ADGRL2: variants seen among roughly 807,000 people sequenced by gnomAD.
ADGRL2 encodes adhesion G protein-coupled receptor L2.
ADGRL2 carries 44 observed loss-of-function variants against 157.4 expected under a neutral mutation model. That is an observed-to-expected ratio of 0.28 (90% confidence interval 0.22 to 0.36). The LOEUF (loss-of-function observed/expected upper bound fraction) is 0.36, where lower values mean the gene tolerates loss of function less well. ADGRL2 is among the 10% of genes least tolerant of loss of function. ADGRL2 has a pLI of 1.00. For synonymous variants in ADGRL2, 585 were observed against 624.7 expected (o/e 0.94, Z 0.95); for missense variants, 1,510 against 1,768.9 (o/e 0.85, Z 2.63).
intron 2 of ADGRL2, among the ~76,000 whole-genome samples, chr1:81,896,800 G>A (rs1222329118): frequency 1.3e-5 from 2 of 152,134 alleles, no homozygotes; most frequent in African/African-American, 4.8e-5. Flanking sequence ...TAAGTACAAA[G>A]ACCCTTAGAA....
intron 2 of ADGRL2, chr1:81,514,822 G>A (rs1305816830): frequency 1.3e-5 from 2 of 152,158 alleles, no homozygotes; most frequent in African/African-American, 2.4e-5. Flanking sequence ...ATTTAATAAA[G>A]CTTTTGTCTT....
chr1:81,784,213 C>A (rs1433586787), intron 2 of ADGRL2, among the ~76,000 whole-genome samples: 2 of 152,114 alleles, frequency 1.3e-5, no homozygotes, highest in East Asian at 3.9e-4. Context: ...TTCAACAGAT[C>A]TTTTTCAAGG....
upstream of ADGRL2, among the ~76,000 whole-genome samples, chr1:81,696,535 A>G (rs1009803542): frequency 1.1e-4 from 16 of 151,932 alleles, no homozygotes; most frequent in Admixed American, 5.2e-4. Flanking sequence ...GGCGGATCAC[A>G]AGGTCAGGAG....
rs1329652194 is a variant in ADGRL2, at chr1:81,739,072, G to A, written c.-142-22739G>A. On this transcript the variant is annotated intron_variant, in intron 1 of 20. Coordinates refer to the ADGRL2 transcript ENST00000359929. Reference sequence around the variant, plus strand: ...TTTTGTGCTGGTAACTGTAGACAAGGCACTCTATTCAGTATGAACCAAACA... The same window carrying A: ...TTTTGTGCTGGTAACTGTAGACAAGACACTCTATTCAGTATGAACCAAACA... Among the ~76,000 whole-genome samples, 3 of 152,140 alleles carry A rather than the reference G, an allele frequency of 2.0e-5. No homozygotes were observed. In the East Asian group the frequency reaches 5.8e-4, roughly 29 times the overall value.
chr1:81,650,536 A>C (rs2082396445), intron 3 of ADGRL2, among the ~76,000 whole-genome samples: 1 of 150,506 alleles, frequency 6.6e-6, no homozygotes, highest in Non-Finnish European at 1.5e-5. Flanking sequence ...AGATCGTGCC[A>C]CTGCACTCTA....
chr1:81,723,155 A>G, intron 1 of ADGRL2: 1 of 580,078 alleles, frequency 1.7e-6, no homozygotes, highest in South Asian at 2.0e-5. Context: ...AAACCAGTGT[A>G]CCTCTGACCT....
At chr1:81,900,852 A>C (rs1362528536) in intron 2 of ADGRL2, among the ~76,000 whole-genome samples, 1 of 152,098 alleles carries the variant, frequency 6.6e-6, no homozygotes, top group Non-Finnish European at 1.5e-5. Flanking sequence ...GTCTCTGCCC[A>C]GTCATTGGCT....
chr1:81,850,038 G>A (rs947555), intron 2 of ADGRL2, among the ~76,000 whole-genome samples: 5 of 151,658 alleles, frequency 3.3e-5, no homozygotes, highest in African/African-American at 7.3e-5. Context: ...TGTTTGACTC[G>A]TCCTGCCGAA....
chr1:81,863,551 T>A (rs572941023), intron 2 of ADGRL2, among the ~76,000 whole-genome samples: 10 of 152,298 alleles, frequency 6.6e-5, no homozygotes, highest in African/African-American at 2.4e-4. Context: ...TGATTATTCT[T>A]AAGTTGCTGA....
At chr1:81,784,742 A>T (rs2086960788) in intron 2 of ADGRL2, among the ~76,000 whole-genome samples, 4 of 151,836 alleles carry the variant, frequency 2.6e-5, no homozygotes, top group Admixed American at 2.6e-4. Flanking sequence ...AAAAAAAAAA[A>T]AAAATTGCAG....
chr1:81,329,989 T>G (rs751338920), intron 1 of ADGRL2, among the ~76,000 whole-genome samples: 5 of 152,124 alleles, frequency 3.3e-5, no homozygotes, highest in Non-Finnish European at 7.4e-5. Flanking sequence ...TTAATTTGAG[T>G]AAAGGTGAAA....
intron 1 of ADGRL2, among the ~76,000 whole-genome samples, chr1:81,386,332 G>C (rs2076434659): frequency 6.6e-6 from 1 of 152,176 alleles, no homozygotes; most frequent in Admixed American, 6.5e-5. Context: ...ATTCCTTGGT[G>C]TGTGGTAAGG....
chr1:81,934,044 G>C (rs1416974726), intron 3 of ADGRL2, among the ~76,000 whole-genome samples: 1 of 151,924 alleles, frequency 6.6e-6, no homozygotes, highest in East Asian at 1.9e-4. Context: ...CTGAATTCTA[G>C]AATTTTTTAT....
At chr1:81,707,559 T>G (rs1215030454) in intron 1 of ADGRL2, among the ~76,000 whole-genome samples, 1 of 152,194 alleles carries the variant, frequency 6.6e-6, no homozygotes, top group Non-Finnish European at 1.5e-5. Flanking sequence ...TCTCCCTACC[T>G]TATTAGGCTT....
chr1:81,658,754 CT>C lies in ADGRL2; in HGVS notation c.-143+77783del, dbSNP rs917769975. Among the ~76,000 whole-genome samples the C allele has an allele frequency of 5.0e-3, 749 of 151,178 alleles. 8 individuals are homozygous for C. The highest frequency in any genetic ancestry group is 0.017 in the African/African-American group (712 of 41,164). On this transcript the variant is annotated intron_variant, in intron 3 of 24. Coordinates refer to the ADGRL2 transcript ENST00000370721. ...AGCTCTATTGAATGCCTGCTAGTTC[CT>C]TTTTTTTTCTTTTGAGATGAAATCT...
chr1:81,958,932 A>G (rs1654472477), intron 11 of ADGRL2, among the ~76,000 whole-genome samples: 1 of 152,186 alleles, frequency 6.6e-6, no homozygotes, highest in Non-Finnish European at 1.5e-5. Context: ...GCAGAGGAAT[A>G]TTTTTTGAAA....
At chr1:81,870,914 T>C (rs2093673662) in intron 2 of ADGRL2, among the ~76,000 whole-genome samples, 1 of 150,318 alleles carries the variant, frequency 6.7e-6, no homozygotes, top group Admixed American at 6.7e-5. Flanking sequence ...ATCTTTCCTT[T>C]TTTTTTTTGA....
chr1:81,598,380 G>A (rs2081276219), intron 3 of ADGRL2, among the ~76,000 whole-genome samples: 1 of 152,094 alleles, frequency 6.6e-6, no homozygotes, highest in African/African-American at 2.4e-5. Context: ...AGGTAAGAGA[G>A]AATATATTAA....
chr1:81,643,593 G>A (rs946534719), intron 3 of ADGRL2, among the ~76,000 whole-genome samples: 1 of 152,076 alleles, frequency 6.6e-6, no homozygotes, highest in Non-Finnish European at 1.5e-5. Flanking sequence ...ATAAGCGTAA[G>A]CCACCATCCC....
Sources: allele counts gnomAD v4.1 joint callset (sites outside exome capture counted in the v4.1 genomes callset), GRCh38; gene constraint gnomAD v4.1.1; transcripts MANE v1.5; gene names NCBI Gene and HGNC (gene_info 2026-07-23, HGNC 2026-07-21).